SCYL2: variants seen among roughly 807,000 people sequenced by gnomAD.
The protein encoded by SCYL2 is SCY1 like pseudokinase 2, also known as SCY1-like protein 2.
In SCYL2, 36 loss-of-function variants were observed where a neutral mutation model predicts 100.4. The observed-to-expected ratio is 0.36, with a 90% CI of 0.27 to 0.47. SCYL2 has a LOEUF of 0.47. SCYL2 is among the 20% of genes least tolerant of loss of function. SCYL2 has a pLI of 1.00. For missense variants in SCYL2, 902 were observed against 1,083.9 expected (o/e 0.83, Z 2.36); for synonymous variants, 330 against 359.2 (o/e 0.92, Z 0.92).
At chr12:100,305,824 A>G (rs2096333742) in intron 4 of SCYL2, among the ~76,000 whole-genome samples, 1 of 151,912 alleles carries the variant, frequency 6.6e-6, no homozygotes, top group South Asian at 2.1e-4. Flanking sequence ...TAAAGGGGAT[A>G]TCACCACTGA....
chr12:100,274,440 T>C (rs1287961192), intron 1 of SCYL2, among the ~76,000 whole-genome samples: 1 of 152,252 alleles, frequency 6.6e-6, no homozygotes, highest in African/African-American at 2.4e-5. Context: ...TATATATCTC[T>C]GTGACAACCA....
chr12:100,310,153 C>A (rs560718373), intron 4 of SCYL2, among the ~76,000 whole-genome samples: 2 of 152,252 alleles, frequency 1.3e-5, no homozygotes, highest in African/African-American at 4.8e-5. Context: ...CACGCGCCAC[C>A]ATGCCTGGCT....
chr12:100,288,408 A>G (rs1279971652), intron 2 of SCYL2, among the ~76,000 whole-genome samples: 1 of 152,052 alleles, frequency 6.6e-6, no homozygotes, highest in Non-Finnish European at 1.5e-5. Flanking sequence ...TCATTTTTAC[A>G]AAGTGTTGGA....
intron 1 of SCYL2, among the ~76,000 whole-genome samples, chr12:100,280,128 A>G (rs867759461): frequency 2.0e-5 from 3 of 152,134 alleles, no homozygotes; most frequent in Admixed American, 1.3e-4. Flanking sequence ...TGCCTGTTCA[A>G]TGTCTGAAAA....
intron 4 of SCYL2, among the ~76,000 whole-genome samples, chr12:100,298,681 T>G (rs763587512): frequency 1.5e-4 from 23 of 150,086 alleles, no homozygotes; most frequent in Non-Finnish European, 2.9e-4. Context: ...CCTCCCAGGT[T>G]CAAGCGATTC....
At chr12:100,270,042 C>A (rs7350571) in intron 1 of SCYL2, among the ~76,000 whole-genome samples, 28,965 of 150,662 alleles carry the variant, frequency 0.19, 3,106 homozygotes, top group African/African-American at 0.27. Flanking sequence ...GCTGGAGTGC[C>A]GTGGCGCGAT....
chr12:100,312,710 T>C, intron 6 of SCYL2, 57 bp downstream of exon 6: 1 of 1,291,526 alleles, frequency 7.7e-7, no homozygotes. Context: ...GTGTCTTTGA[T>C]TTTTTTCCAA....
intron 4 of SCYL2, among the ~76,000 whole-genome samples, chr12:100,303,590 T>G (rs1317193995): frequency 5.9e-5 from 9 of 152,232 alleles, no homozygotes; most frequent in African/African-American, 2.2e-4. Context: ...CAGCGGACGC[T>G]GCAGAACAGC....
At chr12:100,319,427 A>T in intron 10 of SCYL2, 1 of 311,452 alleles carries the variant, frequency 3.2e-6, no homozygotes, top group Non-Finnish European at 6.3e-6. Context: ...ATTAAGTGAC[A>T]TGAAATCCAT....
chr12:100,310,370 A>G (rs1274151609), intron 4 of SCYL2, among the ~76,000 whole-genome samples: 1 of 151,908 alleles, frequency 6.6e-6, no homozygotes, highest in African/African-American at 2.4e-5. Context: ...TTTGATTTGC[A>G]TTTCCCTAAT....
In SCYL2 at chr12:100,275,655, G is replaced by T. The variant is rs1463211046; in HGVS notation, c.-28-7288G>T. 2.6e-5 allele frequency among the ~76,000 whole-genome samples: 4 copies of T among 152,116 alleles called. No homozygotes were observed. The East Asian group carries it at 5.8e-4, about 22-fold the overall frequency. On this transcript the variant is annotated intron_variant, in intron 1 of 17. Transcript: ENST00000360820. ...AAATTGTATTCTTTCTTTGCAGTCC[G>T]AATGCCTTTTATTTCATTTTCTTGC...
intron 13 of SCYL2, among the ~76,000 whole-genome samples, chr12:100,333,423 G>C (rs759763216): frequency 3.3e-5 from 5 of 152,238 alleles, no homozygotes; most frequent in South Asian, 2.1e-4. Context: ...TTGAAGAGTT[G>C]TGAGGATTAA....
At chr12:100,314,340 A>G (rs1227306196) in intron 7 of SCYL2, 149 bp from the exon 8 acceptor site, 1 of 564,302 alleles carries the variant, frequency 1.8e-6, no homozygotes, top group African/African-American at 2.0e-5. Flanking sequence ...TTTCTTATTC[A>G]GAGTTTTATA....
At chr12:100,277,661 C>T (rs1322198075) in intron 1 of SCYL2, among the ~76,000 whole-genome samples, 1 of 152,114 alleles carries the variant, frequency 6.6e-6, no homozygotes, top group Non-Finnish European at 1.5e-5. Context: ...ATTTGATAAT[C>T]TCTGCCTTGT....
At chr12:100,289,824 T>C (rs780875951) in intron 2 of SCYL2, among the ~76,000 whole-genome samples, 2 of 152,170 alleles carry the variant, frequency 1.3e-5, no homozygotes, top group Non-Finnish European at 2.9e-5. Context: ...ATGGGAATGG[T>C]ATTGGGTTTA....
intron 4 of SCYL2, among the ~76,000 whole-genome samples, chr12:100,309,073 G>GT (rs2096338364): frequency 6.6e-6 from 1 of 151,914 alleles, no homozygotes; most frequent in Admixed American, 6.6e-5. Flanking sequence ...ACCAGGTACT[G>GT]TGAGTGCTCA....
chr12:100,299,900 A>G (rs2096325556), intron 4 of SCYL2, among the ~76,000 whole-genome samples: 1 of 152,212 alleles, frequency 6.6e-6, no homozygotes, highest in Non-Finnish European at 1.5e-5. Context: ...GCTAGATCAA[A>G]TAGTATGTGT....
chr12:100,340,007 A>T lies in SCYL2; in HGVS notation c.*835A>T, dbSNP rs1479747889. The T allele has an allele frequency of 1.3e-5, 2 of 152,574 alleles. No homozygotes were observed. The highest frequency in any genetic ancestry group is 2.9e-5 in the Non-Finnish European group (2 of 67,998). The allele number at this position is 152,574 out of a possible 1,614,324, so 9.5% of individuals were successfully genotyped here. On this transcript the variant is annotated 3_prime_UTR_variant, in exon 18 of 18. Transcript: ENST00000360820. The stretch of plus-strand genomic sequence containing the variant: ...CCTTCATATTTCATTTCAAATTCAA[A>T]CTTCTGAGGTTGCAGCATATATGAA...
intron 3 of SCYL2, among the ~76,000 whole-genome samples, chr12:100,293,630 C>G (rs1192002137): frequency 6.6e-6 from 1 of 151,502 alleles, no homozygotes; most frequent in South Asian, 2.1e-4. Flanking sequence ...AGCAGCTAAA[C>G]AAGTGAACAA....
Sources: gnomAD v4.1 joint callset for allele counts (sites outside exome capture counted in the v4.1 genomes callset) on GRCh38, gnomAD v4.1.1 for gene constraint, MANE v1.5 for transcripts, NCBI Gene and HGNC (gene_info 2026-07-23, HGNC 2026-07-21) for gene names.